The following POLE variants were observed in gnomAD, a reference collection of about 807,000 sequenced individuals.
The protein encoded by POLE is DNA polymerase epsilon, catalytic subunit.
A neutral mutation model predicts 279.2 loss-of-function variants in POLE; 188 were observed. The observed-to-expected ratio is 0.67, with a 90% CI of 0.60 to 0.76. The LOEUF (loss-of-function observed/expected upper bound fraction) is 0.76. Ranked by LOEUF, POLE falls within the 30% of genes least tolerant of loss-of-function variation. POLE has a pLI of 0.00. For synonymous variants in POLE, 1,214 were observed against 1,172.5 expected (o/e 1.04, Z -0.72); for missense variants, 2,703 against 3,016.7 (o/e 0.90, Z 2.44).
chr12:132,673,952 T>C (rs2136002354), intron 12 of POLE, among the ~76,000 whole-genome samples: 1 of 152,186 alleles, frequency 6.6e-6, no homozygotes, highest in East Asian at 1.9e-4. Flanking sequence ...GCCCTCGCCT[T>C]CCTCCCATCC....
chr12:132,635,828 A>C, intron 42 of POLE, 64 bp downstream of exon 42: 3 of 1,550,596 alleles, frequency 1.9e-6, no homozygotes, highest in Non-Finnish European at 2.6e-6. Flanking sequence ...AGCACTCAGC[A>C]CTTGCTGCAG....
In POLE at chr12:132,634,826, C is replaced by T. The variant is rs2042003264; in HGVS notation, c.5812-448G>A. On this transcript the variant is annotated intron_variant, in intron 42 of 48. Coordinates refer to ENST00000320574, the MANE Select transcript of POLE (RefSeq NM_006231.4). This position sits in a 1 kb window ranked among gnomAD's most constrained non-coding sequence, Gnocchi z 4.0. ...TCTGTGTAGACACCGACACCCACTG[C>T]CACCTGCCCTGACCACACGCTGATC... is the stretch of plus-strand genomic sequence containing the variant. Among the ~76,000 whole-genome samples the T allele has an allele frequency of 6.6e-6, 1 of 152,196 alleles. No individual in the cohort carries two copies. The highest frequency in any genetic ancestry group is 1.5e-5 in the Non-Finnish European group (1 of 68,038).
Position 132,625,657 on chromosome 12 carries a change from G to A in POLE, c.6645C>T (p.Thr2215=). 6.2e-7 allele frequency: 1 copy of A among 1,613,676 alleles called. No homozygotes were observed. Among genetic ancestry groups the A allele is most frequent in the Non-Finnish European group, 8.5e-7 (1 of 1,180,030 alleles). ...ATGCACGACTCACCAGGTCCTGCAGGGTGAAGGCCATCAGCTTCTTCTGTA... is the reference window on the plus strand; with the variant it reads ...ATGCACGACTCACCAGGTCCTGCAGAGTGAAGGCCATCAGCTTCTTCTGTA... ...EVLQKKLMAF[T]LQDLVCLKCR... is the part of the protein sequence containing the mutation. Residue 2215 remains threonine, a synonymous_variant, in exon 47 of 49, where the codon ACC becomes ACT. Transcript: ENST00000320574.
Position 132,675,259 on chromosome 12 carries a change from CATACTCTTGGGTGACCTG to C in POLE, c.1226+121_1226+138del. 9.5e-7 allele frequency: 1 copy of C among 1,049,428 alleles called. No individual in the cohort carries two copies. Among genetic ancestry groups the C allele is most frequent in the African/African-American group, 1.6e-5 (1 of 62,652 alleles). 65.0% of individuals were successfully genotyped at this position (1,049,428 alleles called of 1,614,324 possible). On this transcript the variant is annotated intron_variant, in intron 12 of 48. Transcript: ENST00000320574. This position sits in a 1 kb window ranked among gnomAD's most constrained non-coding sequence, Gnocchi z 4.3. ...CGGGCCCTGGCAGGGTTGCAGCTGC[CATACTCTTGGGTGACCTG>C]AAACGGCCTCTCGGAGGCCACCCTC...
chr12:132,641,758 ATCCCCATGCTG>A lies in POLE; in HGVS notation c.5256_5266del (p.Ser1753GlnfsTer28), dbSNP rs1212640732. ...GGCCTGCTGGATCACGTCGAAGCTG[ATCCCCATGCTG>A]TCGGCCCCCTCCATGTCGTTGACAT... On this transcript the variant is annotated frameshift_variant, in exon 39 of 49. Coordinates refer to ENST00000320574, the MANE Select transcript of POLE (RefSeq NM_006231.4). LOFTEE classifies it high-confidence loss of function. 6.2e-7 allele frequency: 1 copy of A among 1,611,308 alleles called. No individual in the cohort carries two copies. Among genetic ancestry groups the A allele is most frequent in the African/African-American group, 1.3e-5 (1 of 74,896 alleles).
intron 45 of POLE, 114 bp downstream of exon 45, chr12:132,632,201 T>C (rs2041946062): frequency 3.8e-6 from 3 of 786,114 alleles, no homozygotes; most frequent in African/African-American, 3.5e-5. Context: ...CTTGCACACA[T>C]ACGCTAGCAC....
Position 132,664,398 on chromosome 12 carries a change from G to A in POLE, c.2533C>T (p.Gln845Ter). The A allele has an allele frequency of 6.2e-7, 1 of 1,614,018 alleles. No homozygotes were observed. Among genetic ancestry groups the A allele is most frequent in the Non-Finnish European group, 8.5e-7 (1 of 1,179,984 alleles). Reference protein sequence around the residue: ...VCFTGANIITQARELIEQIGR... With the variant: ...VCFTGANIIT The stretch of plus-strand genomic sequence containing the variant: ...ATCTGCTCGATCAGCTCCCGTGCCT[G>A]GGTGATGATGTTGGCCCCTGTGAAG... Residue 845 changes from glutamine (Q) to a stop codon, truncating the protein, a stop_gained, in exon 22 of 49, where the codon CAG becomes TAG. Coordinates refer to ENST00000320574, the MANE Select transcript of POLE (RefSeq NM_006231.4). LOFTEE classifies it high-confidence loss of function. The surrounding 1 kb of genome is among the most constrained non-coding windows in gnomAD (Gnocchi z 5.3).
chr12:132,668,542 C>A lies in POLE; in HGVS notation c.2027-40G>T, dbSNP rs752507977. The A allele has an allele frequency of 1.3e-6, 2 of 1,581,310 alleles. No homozygotes were observed. The highest frequency in any genetic ancestry group is 4.5e-5 in the East Asian group (2 of 44,284). ...ATGGGGGCAAGTTCAAAAGGAGGCA[C>A]AGACACACCGGCTTCCCACCAAGTG... On this transcript the variant is annotated intron_variant, in intron 18 of 48. Transcript: ENST00000320574. This position sits in a 1 kb window ranked among gnomAD's most constrained non-coding sequence, Gnocchi z 4.0.
chr12:132,656,235 T>C (rs2042534839), intron 29 of POLE, among the ~76,000 whole-genome samples: 1 of 152,120 alleles, frequency 6.6e-6, no homozygotes, highest in Non-Finnish European at 1.5e-5. Flanking sequence ...GAAGCTGCAT[T>C]GTGCCACTGC....
chr12:132,647,829 G>A (rs1041111981), intron 32 of POLE, among the ~76,000 whole-genome samples: 2 of 152,072 alleles, frequency 1.3e-5, no homozygotes, highest in East Asian at 1.9e-4. Flanking sequence ...CTCTGCGTCC[G>A]CTTTCCTCTT....
intron 45 of POLE, among the ~76,000 whole-genome samples, chr12:132,629,812 G>C (rs531347949): frequency 6.6e-6 from 1 of 152,308 alleles, no homozygotes; most frequent in East Asian, 1.9e-4. Flanking sequence ...TTGGCTAACT[G>C]GTGTGAGAGG....
At chr12:132,654,164 GT>G (rs111889436) in intron 29 of POLE, among the ~76,000 whole-genome samples, 5,101 of 147,846 alleles carry the variant, frequency 0.035, 304 homozygotes, top group African/African-American at 0.12. Context: ...TGAGCTAAGG[GT>G]TTTTTTTTTC....
intron 16 of POLE, among the ~76,000 whole-genome samples, chr12:132,670,390 T>C (rs1364306430): frequency 6.6e-6 from 1 of 150,684 alleles, no homozygotes; most frequent in Non-Finnish European, 1.5e-5. Context: ...TTCTGAGACG[T>C]CTCGCCACCA....
At chr12:132,625,225 C>A in intron 47 of POLE, 1 of 720,318 alleles carries the variant, frequency 1.4e-6, no homozygotes, top group South Asian at 1.4e-5. Flanking sequence ...ATGCCCAGTC[C>A]TGAGGCCTCC....
At chr12:132,676,488 TG>T (rs1342621452) in intron 9 of POLE, 57 bp downstream of exon 9, 2 of 1,060,252 alleles carry the variant, frequency 1.9e-6, no homozygotes, top group African/African-American at 3.1e-5. Context: ...TGCTGTAGTA[TG>T]GGGACCAGAC....
rs547335205 is a variant in POLE, at chr12:132,625,302, G to A, written c.6658-308C>T. On this transcript the variant is annotated intron_variant, in intron 47 of 48. Transcript: ENST00000320574. ...CCGTGCACCACCACACGGCAGCTTG[G>A]CGCGTCCCCCAGCCTCTGCTCAGAT... 5.5e-6 allele frequency: 4 copies of A among 725,640 alleles called. No individual in the cohort carries two copies. In the African/African-American group the frequency reaches 6.8e-5, roughly 12 times the overall value. The allele number at this position is 725,640 out of a possible 1,614,324, so 45.0% of individuals were successfully genotyped here. A position where few individuals can be genotyped will look rare whatever the true frequency, so the allele number is the denominator to read the frequency against.
chr12:132,637,743 A>G (rs1209863692), intron 41 of POLE, among the ~76,000 whole-genome samples: 3 of 148,780 alleles, frequency 2.0e-5, no homozygotes, highest in African/African-American at 7.3e-5. Flanking sequence ...AAAAAAGCAA[A>G]CAAACAAAAA....
In POLE at chr12:132,639,361, C is replaced by T. The variant is rs986717247; in HGVS notation, c.5379-63G>A. 1.6e-5 allele frequency: 24 copies of T among 1,498,852 alleles called. No homozygotes were observed. The Middle Eastern group carries it at 1.1e-3, about 71-fold the overall frequency. The allele number at this position is 1,498,852 out of a possible 1,614,324, so 92.8% of individuals were successfully genotyped here. A position where few individuals can be genotyped will look rare whatever the true frequency, so the allele number is the denominator to read the frequency against. The stretch of plus-strand genomic sequence containing the variant: ...CCTCCCACGCTGCTGCCACGCGGGA[C>T]GCTCCAACTGAAATGGGCACAGGTT... On this transcript the variant is annotated intron_variant, in intron 39 of 48. Transcript: ENST00000320574. The surrounding 1 kb of genome is among the most constrained non-coding windows in gnomAD (Gnocchi z 4.7).
In POLE at chr12:132,659,279, T is replaced by A. The variant is rs5744858; in HGVS notation, c.3275+16A>T. 3.1e-6 allele frequency: 5 copies of A among 1,607,072 alleles called. No homozygotes were observed. Among genetic ancestry groups the A allele is most frequent in the Non-Finnish European group, 4.3e-6 (5 of 1,175,530 alleles). On this transcript the variant is annotated intron_variant, in intron 26 of 48. Transcript: ENST00000320574. ...GGGAGGAGCCCTCACCTCTCCGTGA[T>A]GGGGGGAGCCCTCACCTCTCCGTGA...
Sources: gnomAD v4.1 joint callset for allele counts (sites outside exome capture counted in the v4.1 genomes callset) on GRCh38, gnomAD v4.1.1 for gene constraint, Gnocchi (gnomAD v3.1) non-coding constraint, MANE v1.5 for transcripts, NCBI Gene and HGNC (gene_info 2026-07-23, HGNC 2026-07-21) for gene names.